Variants in COL4A4 observed in about 807,000 individuals in gnomAD.
The protein encoded by COL4A4 is collagen type IV alpha 4 chain.
Under a neutral mutation model 192.9 loss-of-function variants are expected in COL4A4, and 105 were observed. The observed-to-expected ratio is 0.54, with a 90% CI of 0.46 to 0.64. The LOEUF is 0.64. Ranked by LOEUF, COL4A4 falls within the 30% of genes least tolerant of loss-of-function variation. COL4A4 has a pLI of 0.00. For synonymous variants in COL4A4, 762 were observed against 769.9 expected (o/e 0.99, Z 0.17); for missense variants, 1,967 against 2,169.3 (o/e 0.91, Z 1.85).
At position 227,062,602 on chromosome 2, in the gene COL4A4, C is replaced by A. The variant is rs758331938; in HGVS notation, c.1988-4G>T. 6.2e-7 allele frequency: 1 copy of A among 1,610,810 alleles called. No homozygotes were observed. Among genetic ancestry groups the A allele is most frequent in the African/African-American group, 1.3e-5 (1 of 74,892 alleles). ...ACGTTGCAAGAAATTGTGTCACCTGCAATGAGAAAAGAAAAGCGGCATTCA... is the reference window on the plus strand; with the variant it reads ...ACGTTGCAAGAAATTGTGTCACCTGAAATGAGAAAAGAAAAGCGGCATTCA... On this transcript the variant is annotated splice_polypyrimidine_tract_variant and splice_region_variant and intron_variant, in intron 25 of 47. Transcript: ENST00000396625.
chr2:226,993,856 A>G, the COL4A4 span, among the ~76,000 whole-genome samples: 1 of 152,188 alleles, frequency 6.6e-6, no homozygotes, highest in Non-Finnish European at 1.5e-5. Flanking sequence ...TCTTTTCACT[A>G]TGGTTTTAAC....
intron 13 of COL4A4, 141 bp downstream of exon 13, chr2:227,103,831 A>C (rs1275851255): frequency 1.4e-6 from 1 of 717,910 alleles, no homozygotes; most frequent in Non-Finnish European, 2.5e-6. Flanking sequence ...TGGGGCCAAC[A>C]GTAGTACCAA....
intron 25 of COL4A4, among the ~76,000 whole-genome samples, chr2:227,067,913 A>C (rs879634380): frequency 9.3e-5 from 13 of 140,430 alleles, no homozygotes; most frequent in Admixed American, 2.9e-4. Context: ...CCTTCAAAAA[A>C]TTAATGAATC....
chr2:227,163,790 A>T (rs2065053773), intron 1 of COL4A4, among the ~76,000 whole-genome samples: 1 of 152,136 alleles, frequency 6.6e-6, no homozygotes, highest in East Asian at 1.9e-4. Flanking sequence ...CCAGGCCGGT[A>T]ACTCGAGCCT....
At chr2:227,149,242 A>G (rs901007163) in intron 1 of COL4A4, among the ~76,000 whole-genome samples, 5 of 152,348 alleles carry the variant, frequency 3.3e-5, no homozygotes, top group Admixed American at 6.5e-5. Flanking sequence ...TGGTAGAACA[A>G]CATTCTACAA....
intron 35 of COL4A4, among the ~76,000 whole-genome samples, chr2:227,045,819 CATAT>C (rs1162059473): frequency 1.7e-3 from 57 of 34,258 alleles, no homozygotes; most frequent in African/African-American, 8.3e-3. Context: ...TATATATACA[CATAT>C]ATATATATAC....
intron 25 of COL4A4, among the ~76,000 whole-genome samples, chr2:227,075,551 T>C (rs1179777124): frequency 6.6e-6 from 1 of 152,182 alleles, no homozygotes; most frequent in Non-Finnish European, 1.5e-5. Context: ...TTGCAAAAGC[T>C]GGAAGCATTC....
chr2:227,031,855 A>G, intron 40 of COL4A4, 90 bp downstream of exon 40: 8 of 958,514 alleles, frequency 8.3e-6, no homozygotes, highest in Non-Finnish European at 1.3e-5. Context: ...CAGTGCTTCT[A>G]TTCTGCCACT....
At chr2:226,981,807 C>T in the COL4A4 span, among the ~76,000 whole-genome samples, 1 of 152,222 alleles carries the variant, frequency 6.6e-6, no homozygotes, top group Non-Finnish European at 1.5e-5. Context: ...CTCTGACCCA[C>T]ATAAGAATTT....
In COL4A4 at chr2:227,008,347, T is replaced by C. The variant is rs768304862; in HGVS notation, c.4523-43A>G. The C allele has an allele frequency of 2.5e-6, 4 of 1,603,384 alleles. No individual in the cohort carries two copies. The East Asian group carries it at 6.7e-5, about 27-fold the overall frequency. ...AGACAGCTGGTGTCCAAGCACCCCA[T>C]GTAGGTGTTCCCAGACCCTTCCTTC... On this transcript the variant is annotated intron_variant, in intron 46 of 47. Transcript: ENST00000396625.
intron 20 of COL4A4, among the ~76,000 whole-genome samples, chr2:227,092,731 C>T (rs555729255): frequency 4.6e-5 from 7 of 152,046 alleles, no homozygotes; most frequent in Non-Finnish European, 8.8e-5. Flanking sequence ...CCTTATATAA[C>T]CAACTATTCA....
chr2:227,161,057 A>G (rs77203878), intron 1 of COL4A4, among the ~76,000 whole-genome samples: 1,593 of 152,354 alleles, frequency 0.01, 56 homozygotes, highest in East Asian at 0.073. Flanking sequence ...TCGTCCCTCT[A>G]CAATGAAGGC....
At chr2:227,116,065 A>T (rs78995341) in intron 7 of COL4A4, among the ~76,000 whole-genome samples, 5,303 of 152,324 alleles carry the variant, frequency 0.035, 303 homozygotes, top group African/African-American at 0.12. Flanking sequence ...GGCTTTAATT[A>T]GGTGCTGCAG....
At chr2:227,091,341 A>AG (rs2059918990) in intron 20 of COL4A4, among the ~76,000 whole-genome samples, 1 of 151,572 alleles carries the variant, frequency 6.6e-6, no homozygotes. Flanking sequence ...ATTCAGGTGA[A>AG]GGGTTGTAAT....
rs574409209 is a variant in COL4A4, at chr2:227,132,605, G to A, written c.192+7556C>T. 6.6e-5 allele frequency among the ~76,000 whole-genome samples: 10 copies of A among 152,100 alleles called. No individual in the cohort carries two copies. The South Asian group carries it at 8.3e-4, about 13-fold the overall frequency. ...AGCCTAGTCAACATGGTGAAATCCCGGCTCTACTAAAAATACAAAAATTAG... is the reference window on the plus strand; with the variant it reads ...AGCCTAGTCAACATGGTGAAATCCCAGCTCTACTAAAAATACAAAAATTAG... On this transcript the variant is annotated intron_variant, in intron 4 of 47. Transcript: ENST00000396625.
chr2:226,968,320 G>T, the COL4A4 span, among the ~76,000 whole-genome samples: 1 of 152,186 alleles, frequency 6.6e-6, no homozygotes, highest in African/African-American at 2.4e-5. Flanking sequence ...GGCTGACCAG[G>T]CAAGTCCAAA....
Position 227,030,506 on chromosome 2 carries a change from CA to C in COL4A4, c.3909del (p.Gly1304AlafsTer84). Reference sequence around the variant, plus strand: ...TTGTATCCTGGAGGGCCTGGTGGGCCAGGGGGACCTGGTGGCCCTGGTAGAC... The same window carrying C: ...TTGTATCCTGGAGGGCCTGGTGGGCCGGGGGACCTGGTGGCCCTGGTAGAC... ...DCGLPGPPGP[P>X]GPPGPPGYKG... is the part of the protein sequence containing the mutation. On this transcript the variant is annotated frameshift_variant, in exon 41 of 48. Coordinates refer to ENST00000396625, the MANE Select transcript of COL4A4 (RefSeq NM_000092.5). LOFTEE classifies it high-confidence loss of function. The C allele has an allele frequency of 2.5e-6, 4 of 1,614,102 alleles. No homozygotes were observed. The highest frequency in any genetic ancestry group is 3.4e-6 in the Non-Finnish European group (4 of 1,180,014).
intron 35 of COL4A4, among the ~76,000 whole-genome samples, chr2:227,046,045 T>TATATACTATCTAAATATATATAC (rs1972752138): frequency 7.2e-6 from 1 of 139,702 alleles, no homozygotes. Context: ...CATATATACA[T>TATATACTATCTAAATATATATAC]ATATACTATC....
intron 23 of COL4A4, among the ~76,000 whole-genome samples, chr2:227,080,890 C>T (rs1384541243): frequency 1.3e-5 from 2 of 152,156 alleles, no homozygotes; most frequent in Non-Finnish European, 2.9e-5. Flanking sequence ...GGGTACTTGC[C>T]CTAAGCTAAT....
Sources: gnomAD v4.1 joint callset for allele counts (sites outside exome capture counted in the v4.1 genomes callset) on GRCh38, gnomAD v4.1.1 for gene constraint, MANE v1.5 for transcripts, NCBI Gene and HGNC (gene_info 2026-07-23, HGNC 2026-07-21) for gene names.